SDHD: variants seen among roughly 807,000 people sequenced by gnomAD.
The protein encoded by SDHD is succinate dehydrogenase [ubiquinone] cytochrome b small subunit, mitochondrial.
SDHD carries 6 observed loss-of-function variants against 18.7 expected under a neutral mutation model. That is an observed-to-expected ratio of 0.32 (90% CI 0.18 to 0.63). The LOEUF (loss-of-function observed/expected upper bound fraction) is 0.63, where lower values mean the gene tolerates loss of function less well. Among genes scored for constraint, SDHD ranks in the 30% least tolerant of loss-of-function variants. The probability of loss-of-function intolerance (pLI) is 0.79; values close to 1 mark genes in which losing one functional copy is unlikely to be tolerated. For synonymous variants in SDHD, 56 were observed against 73.9 expected, an observed-to-expected ratio of 0.76 and a Z score of 1.24; for missense variants, 160 against 192.7, an observed-to-expected ratio of 0.83 and a Z score of 1.00.
chr11:112,087,519 A>C (rs1404252336), intron 1 of SDHD, among the ~76,000 whole-genome samples: 1 of 152,224 alleles, frequency 6.6e-6, no homozygotes, highest in African/African-American at 2.4e-5. Flanking sequence ...TGAACTAGGA[A>C]AGTAGCACAA....
intron 3 of SDHD, among the ~76,000 whole-genome samples, chr11:112,093,592 C>CTTACATTACAATGCAAAAAATTTTACAT (rs1291869098): frequency 3.9e-5 from 6 of 152,118 alleles, no homozygotes; most frequent in African/African-American, 7.2e-5. Flanking sequence ...TGCAATAAAA[C>CTTACATTACAATGCAAAAAATTTTACAT]TGTTATAAAA....
intron 3 of SDHD, chr11:112,093,135 C>G (rs752411737): frequency 2.6e-6 from 1 of 387,658 alleles, no homozygotes; most frequent in Admixed American, 2.9e-5. Flanking sequence ...AGCACGATCT[C>G]AGCTTACTGC....
chr11:112,088,378 T>G, intron 2 of SDHD: 1 of 340,796 alleles, frequency 2.9e-6, no homozygotes, highest in Non-Finnish European at 5.7e-6. Flanking sequence ...TTTTGTACTT[T>G]TAGTAGAGAC....
At chr11:112,094,145 G>C (rs2135276489) in intron 3 of SDHD, among the ~76,000 whole-genome samples, 1 of 152,174 alleles carries the variant, frequency 6.6e-6, no homozygotes, top group Middle Eastern at 3.4e-3. Flanking sequence ...CACGCCTGTA[G>C]TCCCAACACT....
intron 3 of SDHD, among the ~76,000 whole-genome samples, chr11:112,091,940 C>T (rs1170916636): frequency 3.9e-5 from 6 of 152,136 alleles, no homozygotes; most frequent in African/African-American, 1.2e-4. Flanking sequence ...TGGTGGCACA[C>T]GCCTTTAGTC....
intron 2 of SDHD, chr11:112,088,481 G>C: frequency 5.7e-6 from 2 of 348,284 alleles, no homozygotes; most frequent in South Asian, 2.3e-5. Context: ...CTCCCAAAGT[G>C]CTGGGATTGC....
At chr11:112,090,406 C>T (rs550278308) in intron 3 of SDHD, among the ~76,000 whole-genome samples, 10 of 152,104 alleles carry the variant, frequency 6.6e-5, no homozygotes, top group East Asian at 5.8e-4. Context: ...CCACCATGTC[C>T]GGCCCAGCTT....
At chr11:112,093,519 A>G (rs1421266180) in intron 3 of SDHD, among the ~76,000 whole-genome samples, 1 of 152,184 alleles carries the variant, frequency 6.6e-6, no homozygotes, top group Non-Finnish European at 1.5e-5. Context: ...ACAACTCAAT[A>G]TACTAAAAAC....
Position 112,091,149 on chromosome 11 carries a change from T to A in SDHD, c.314+2138T>A, listed in dbSNP as rs1043355032. The A allele has an allele frequency of 8.7e-6, 8 of 923,206 alleles. No individual in the cohort carries two copies. In the African/African-American group the frequency reaches 1.4e-4, roughly 16 times the overall value. 57.2% of individuals were successfully genotyped at this position (923,206 alleles called of 1,614,324 possible). ...ACAAGTACAGTAAGTAATATTTCTC[T>A]AACATGTCATCCCTCTTGAAGGAGC... is the stretch of plus-strand genomic sequence containing the variant. On this transcript the variant is annotated intron_variant, in intron 3 of 3. Coordinates refer to ENST00000375549, the MANE Select transcript of SDHD (RefSeq NM_003002.4).
At chr11:112,091,887 T>G (rs1865751904) in intron 3 of SDHD, among the ~76,000 whole-genome samples, 1 of 152,086 alleles carries the variant, frequency 6.6e-6, no homozygotes, top group African/African-American at 2.4e-5. Context: ...GCCAATATGG[T>G]GAAACCTTGT....
intron 3 of SDHD, among the ~76,000 whole-genome samples, chr11:112,094,271 G>C (rs202177931): frequency 6.6e-6 from 1 of 152,058 alleles, no homozygotes; most frequent in Non-Finnish European, 1.5e-5. Flanking sequence ...GGTGGTGGGC[G>C]CCTGTAGTCC....
At position 112,088,978 on chromosome 11, in the gene SDHD, C is replaced by A; in HGVS notation, c.281C>A (p.Ser94Tyr). The A allele has an allele frequency of 6.2e-7, 1 of 1,614,150 alleles. No homozygotes were observed. The highest frequency in any genetic ancestry group is 8.5e-7 in the Non-Finnish European group (1 of 1,180,020). ...AATCCTTGCTCTGCGATGGACTATT[C>A]CCTGGCTGCAGCCCTCACTCTTCAT... The part of the protein sequence containing the change: ...YLNPCSAMDY[S>Y]LAAALTLHGH... The change falls in exon 3 of 4, where the codon TCC becomes TAC. Residue 94 changes from serine (S) to tyrosine (Y), a missense_variant. Ser to Tyr is a moderately radical substitution (Grantham distance 144). Transcript: ENST00000375549.
Position 112,087,842 on chromosome 11 carries a change from T to C in SDHD, c.53-15T>C. The C allele has an allele frequency of 1.3e-6, 2 of 1,550,356 alleles. No homozygotes were observed. The highest frequency in any genetic ancestry group is 8.9e-7 in the Non-Finnish European group (1 of 1,122,492). On this transcript the variant is annotated splice_polypyrimidine_tract_variant and intron_variant, in intron 1 of 3. Transcript: ENST00000375549. ...GGAGAGGTTCTTATGATCATCCTAA[T>C]GACTCTTTCCTCAGCTCTGTTGCTT...
chr11:112,088,223 A>G (rs1050977637), intron 2 of SDHD: 3 of 481,474 alleles, frequency 6.2e-6, no homozygotes, highest in Middle Eastern at 6.1e-4. Context: ...TTTTTGAGAC[A>G]GAGTCTCGCT....
chr11:112,087,170 A>G (rs999780639), intron 1 of SDHD, among the ~76,000 whole-genome samples: 3 of 152,204 alleles, frequency 2.0e-5, no homozygotes, highest in South Asian at 2.1e-4. Flanking sequence ...ATAATCAGAA[A>G]GAGAGCTCCC....
intron 3 of SDHD, among the ~76,000 whole-genome samples, chr11:112,092,757 T>C (rs1387360112): frequency 6.6e-6 from 1 of 152,220 alleles, no homozygotes; most frequent in Non-Finnish European, 1.5e-5. Context: ...CTCGGCGATC[T>C]ACTTTTAGGT....
At chr11:112,093,064 T>C in intron 3 of SDHD, 1 of 204,302 alleles carries the variant, frequency 4.9e-6, no homozygotes, top group Non-Finnish European at 1.0e-5. Flanking sequence ...GACAGAGTTT[T>C]GCTCTTGTCG....
In SDHD at chr11:112,087,850, T is replaced by C. The variant is rs1370020365; in HGVS notation, c.53-7T>C. The C allele has an allele frequency of 6.3e-7, 1 of 1,588,556 alleles. No homozygotes were observed. The highest frequency in any genetic ancestry group is 8.6e-7 in the Non-Finnish European group (1 of 1,157,034). On this transcript the variant is annotated splice_polypyrimidine_tract_variant and splice_region_variant and intron_variant, in intron 1 of 3. Transcript: ENST00000375549. ...TCTTATGATCATCCTAATGACTCTT[T>C]CCTCAGCTCTGTTGCTTCGAACTCC...
At chr11:112,093,238 G>C in intron 3 of SDHD, 1 of 284,606 alleles carries the variant, frequency 3.5e-6, no homozygotes, top group South Asian at 2.6e-5. Context: ...GGCTAATTTT[G>C]TATTTTTTGT....
Sources: gnomAD v4.1 joint callset for allele counts (sites outside exome capture counted in the v4.1 genomes callset) on GRCh38, gnomAD v4.1.1 for gene constraint, MANE v1.5 for transcripts, NCBI Gene and HGNC (gene_info 2026-07-23, HGNC 2026-07-21) for gene names.